The following TTC39B variants were observed in gnomAD, a reference collection of about 807,000 sequenced individuals.
The protein encoded by TTC39B is tetratricopeptide repeat domain 39B.
A neutral mutation model predicts 96.6 loss-of-function variants in TTC39B; 92 were observed. That is an observed-to-expected ratio of 0.95 (90% CI 0.80 to 1.13). The LOEUF is 1.13. Among genes scored for constraint, TTC39B ranks in the 50% most tolerant of loss-of-function variants. The pLI is 0.00. For missense variants in TTC39B, 955 were observed against 809.3 expected, an observed-to-expected ratio of 1.18 and a Z score of -2.18; for synonymous variants, 367 against 299.4, an observed-to-expected ratio of 1.23 and a Z score of -2.33.
Position 15,186,960 on chromosome 9 carries a change from C to T in TTC39B, c.1471G>A (p.Val491Met), listed in dbSNP as rs141972754. ...CTCACATACCTGAATAAAGTTACCA[C>T]ATTCTCATTCGTTGCTACTACATCC... The change falls in exon 15 of 20, where the codon GTG becomes ATG. Residue 491 changes from valine (V) to methionine (M), a missense_variant. Transcript: ENST00000512701. 1,841 of 1,613,730 alleles carry T rather than the reference C, an allele frequency of 1.1e-3. 4 individuals carry two copies. Among genetic ancestry groups the T allele is most frequent in the Non-Finnish European group, 1.4e-3 (1,701 of 1,179,744 alleles).
Position 15,189,668 on chromosome 9 carries a change from G to T in TTC39B, c.1174-35C>A, listed in dbSNP as rs1227298277. On this transcript the variant is annotated intron_variant, in intron 12 of 19. Transcript: ENST00000512701. ...AAGGAAGAAAACACACTGTTCAACAGTCAACACTGGCTGATTAATTATGGT... is the reference window on the plus strand; with the variant it reads ...AAGGAAGAAAACACACTGTTCAACATTCAACACTGGCTGATTAATTATGGT... 5.6e-6 allele frequency: 9 copies of T among 1,614,016 alleles called. No individual in the cohort carries two copies. The East Asian group carries it at 1.1e-4, about 20-fold the overall frequency.
intron 10 of TTC39B, 29 bp downstream of exon 10, chr9:15,191,161 T>A: frequency 6.7e-7 from 1 of 1,497,988 alleles, no homozygotes; most frequent in Admixed American, 1.7e-5. Flanking sequence ...ATCTTCCCTG[T>A]CAAAATTAAC....
At chr9:15,230,815 T>C (rs889894787) in intron 2 of TTC39B, among the ~76,000 whole-genome samples, 9 of 151,944 alleles carry the variant, frequency 5.9e-5, no homozygotes, top group East Asian at 1.9e-4. Flanking sequence ...CAAAACTCCA[T>C]CTCTACTAAA....
chr9:15,285,468 T>G (rs890676211), intron 1 of TTC39B, among the ~76,000 whole-genome samples: 12 of 152,226 alleles, frequency 7.9e-5, no homozygotes, highest in African/African-American at 2.9e-4. Context: ...ATGTGATTAC[T>G]ACACATTGTA....
At chr9:15,280,186 C>T (rs1288656087) in intron 1 of TTC39B, among the ~76,000 whole-genome samples, 1 of 152,130 alleles carries the variant, frequency 6.6e-6, no homozygotes, top group Non-Finnish European at 1.5e-5. Context: ...GTGTGAGCCA[C>T]CGTGCCCGGC....
At chr9:15,241,025 G>A (rs1261459274) in intron 2 of TTC39B, among the ~76,000 whole-genome samples, 2 of 152,130 alleles carry the variant, frequency 1.3e-5, no homozygotes, top group Non-Finnish European at 2.9e-5. Flanking sequence ...AGCCCTCATA[G>A]GAAGCTAAGA....
intron 1 of TTC39B, among the ~76,000 whole-genome samples, chr9:15,271,146 G>C (rs1054639518): frequency 6.6e-6 from 1 of 152,068 alleles, no homozygotes; most frequent in East Asian, 1.9e-4. Context: ...GGATGGGGAG[G>C]GGGTGGGAGA....
intron 3 of TTC39B, among the ~76,000 whole-genome samples, chr9:15,220,388 G>T (rs974390844): frequency 6.6e-6 from 1 of 152,176 alleles, no homozygotes; most frequent in Non-Finnish European, 1.5e-5. Context: ...TAAGCTCATA[G>T]TCTACAGTGG....
At chr9:15,240,090 CG>C (rs1417685267) in intron 2 of TTC39B, among the ~76,000 whole-genome samples, 5 of 151,994 alleles carry the variant, frequency 3.3e-5, no homozygotes, top group African/African-American at 1.2e-4. Context: ...TTCTCATGGC[CG>C]ATGATCAGAG....
intron 8 of TTC39B, among the ~76,000 whole-genome samples, chr9:15,193,228 G>C (rs945863529): frequency 6.6e-6 from 1 of 152,152 alleles, no homozygotes; most frequent in African/African-American, 2.4e-5. Context: ...CTTTCTTCCT[G>C]CTCCAGCCAT....
At chr9:15,184,215 C>T (rs1042305587) in intron 16 of TTC39B, among the ~76,000 whole-genome samples, 21 of 152,012 alleles carry the variant, frequency 1.4e-4, no homozygotes, top group Admixed American at 1.4e-3. Flanking sequence ...ATTGGTAGAG[C>T]TTTTTTTGAG....
At chr9:15,280,048 A>G (rs1427001816) in intron 1 of TTC39B, among the ~76,000 whole-genome samples, 1 of 151,842 alleles carries the variant, frequency 6.6e-6, no homozygotes, top group African/African-American at 2.4e-5. Flanking sequence ...AGTACATGCC[A>G]CCAAACCCGG....
At chr9:15,252,997 C>G (rs1459001495) in intron 2 of TTC39B, among the ~76,000 whole-genome samples, 1 of 152,160 alleles carries the variant, frequency 6.6e-6, no homozygotes, top group Non-Finnish European at 1.5e-5. Context: ...ACCCTGTAAT[C>G]TCAACACACT....
chr9:15,200,271 TG>T (rs528499354), intron 7 of TTC39B, among the ~76,000 whole-genome samples: 124 of 152,336 alleles, frequency 8.1e-4, no homozygotes, highest in Non-Finnish European at 1.3e-3. Context: ...TTTAACAGAA[TG>T]TAAAATGGAT....
Position 15,204,069 on chromosome 9 carries a change from T to A in TTC39B, c.692-179A>T, listed in dbSNP as rs116415862. The stretch of plus-strand genomic sequence containing the variant: ...CAGTTCTCACTTTGTCAGGAAGATT[T>A]TCCTGGAATGTGTGAAGTGTTCAGG... On this transcript the variant is annotated intron_variant, in intron 6 of 19. Transcript: ENST00000512701. 6.5e-3 allele frequency among the ~76,000 whole-genome samples: 997 copies of A among 152,310 alleles called. 9 individuals are homozygous for A. Among genetic ancestry groups the A allele is most frequent in the African/African-American group, 0.023 (949 of 41,560 alleles).
chr9:15,179,817 A>G (rs1179159357), intron 17 of TTC39B, among the ~76,000 whole-genome samples: 1 of 152,226 alleles, frequency 6.6e-6, no homozygotes, highest in East Asian at 1.9e-4. Context: ...AAGTTAAAAT[A>G]CTAGTAAAGC....
chr9:15,212,096 A>G (rs966634582), intron 4 of TTC39B, among the ~76,000 whole-genome samples: 1 of 152,216 alleles, frequency 6.6e-6, no homozygotes, highest in Non-Finnish European at 1.5e-5. Flanking sequence ...AAAACTTCTT[A>G]AGCTGTATTA....
chr9:15,192,319 T>C (rs1379237347), intron 9 of TTC39B, among the ~76,000 whole-genome samples: 1 of 152,188 alleles, frequency 6.6e-6, no homozygotes, highest in East Asian at 1.9e-4. Context: ...GAAATGGAAA[T>C]GGATTCCACT....
rs1169335750 is a variant in TTC39B, at chr9:15,306,220, G to C, written c.240+864C>G. Among the ~76,000 whole-genome samples, 1 of 152,222 alleles carries C rather than the reference G, an allele frequency of 6.6e-6. No individual in the cohort carries two copies. The highest frequency in any genetic ancestry group is 2.4e-5 in the African/African-American group (1 of 41,460). ...GCTGTGGGTGCTGGCTGCTGCTGGA[G>C]CCTCGGTCTCAACTTCAAGAGCAGG... On this transcript the variant is annotated intron_variant, in intron 1 of 19. Coordinates refer to ENST00000512701, the Ensembl canonical transcript of TTC39B. This position sits in a 1 kb window ranked among gnomAD's most constrained non-coding sequence, Gnocchi z 5.1.
Sources: gnomAD v4.1 joint callset for allele counts (sites outside exome capture counted in the v4.1 genomes callset) on GRCh38, gnomAD v4.1.1 for gene constraint, Gnocchi (gnomAD v3.1) non-coding constraint, MANE v1.5 for transcripts, NCBI Gene and HGNC (gene_info 2026-07-23, HGNC 2026-07-21) for gene names.